The following ACSS3 variants were observed in gnomAD, a reference collection of about 807,000 sequenced individuals.
ACSS3 encodes the protein acyl-CoA synthetase short-chain family member 3, mitochondrial.
ACSS3 carries 64 observed loss-of-function variants against 84.2 expected under a neutral mutation model. The ratio of observed to expected loss-of-function variants is 0.76; its 90% CI spans 0.62 to 0.94. The LOEUF (loss-of-function observed/expected upper bound fraction) is 0.94. Among genes scored for constraint, ACSS3 ranks in the 40% least tolerant of loss-of-function variants. ACSS3 has a pLI of 0.00. For missense variants in ACSS3, 815 were observed against 867.6 expected, an observed-to-expected ratio of 0.94 and a Z score of 0.76; for synonymous variants, 317 against 310.1, an observed-to-expected ratio of 1.02 and a Z score of -0.23.
At chr12:81,151,671 A>G (rs1051441499) in intron 5 of ACSS3, 173 bp from the exon 6 acceptor site, 8 of 549,722 alleles carry the variant, frequency 1.5e-5, no homozygotes, top group African/African-American at 1.9e-5. Flanking sequence ...TGTGTTGACT[A>G]TTGAAGGACC....
At chr12:81,155,769 G>GATA (rs1304870515) in intron 7 of ACSS3, among the ~76,000 whole-genome samples, 8 of 152,090 alleles carry the variant, frequency 5.3e-5, no homozygotes, top group Non-Finnish European at 1.2e-4. Flanking sequence ...TTTGGCTTCT[G>GATA]ATATGATGTG....
At chr12:81,122,071 T>G (rs1005654223) in intron 2 of ACSS3, among the ~76,000 whole-genome samples, 1 of 151,866 alleles carries the variant, frequency 6.6e-6, no homozygotes, top group Admixed American at 6.6e-5. Flanking sequence ...TAGCTGGGAC[T>G]ACAGGTGCGT....
In ACSS3 at chr12:81,206,480, TA is replaced by T. The variant is rs556611297; in HGVS notation, c.1354+7037del. 1.1e-3 allele frequency among the ~76,000 whole-genome samples: 165 copies of T among 152,294 alleles called. 1 individual carries two copies. Among genetic ancestry groups the T allele is most frequent in the South Asian group, 2.5e-3 (12 of 4,828 alleles). On this transcript the variant is annotated intron_variant, in intron 9 of 15. Coordinates refer to ENST00000548058, the MANE Select transcript of ACSS3 (RefSeq NM_024560.4). The stretch of plus-strand genomic sequence containing the variant: ...ACAATTTAATGGTCAGAAATACATT[TA>T]TTTTTTTTCTTTCATTCATAGAAAA...
At chr12:81,234,357 A>T (rs1409517008) in intron 13 of ACSS3, among the ~76,000 whole-genome samples, 1 of 151,438 alleles carries the variant, frequency 6.6e-6, no homozygotes, top group African/African-American at 2.4e-5. Context: ...GCTGTTATAC[A>T]CATTCAAATA....
At chr12:81,100,618 G>C (rs562246977) in intron 1 of ACSS3, among the ~76,000 whole-genome samples, 1 of 152,290 alleles carries the variant, frequency 6.6e-6, no homozygotes, top group East Asian at 1.9e-4. Flanking sequence ...AGTCAGAATA[G>C]CCTAGGCTAT....
At chr12:81,114,215 T>G (rs1234150586) in intron 2 of ACSS3, among the ~76,000 whole-genome samples, 1 of 152,156 alleles carries the variant, frequency 6.6e-6, no homozygotes, top group Non-Finnish European at 1.5e-5. Context: ...ATTTTCCTGA[T>G]TTAATTCAAA....
chr12:81,253,343 G>T lies in ACSS3; in HGVS notation c.1756G>T (p.Val586Phe), dbSNP rs535655590. ...LSHGTVADCAVVGKEDPLKGH... is the reference protein window; with the variant it reads ...LSHGTVADCAFVGKEDPLKGH... ...CCATGGTACCGTGGCAGACTGTGCT[G>T]TTGTTGGCAAGGAAGATCCCTTAAA... is the stretch of plus-strand genomic sequence containing the variant. Residue 586 changes from valine to phenylalanine, a missense_variant, in exon 14 of 16, where the codon GTT becomes TTT. Physicochemically the swap from Val to Phe is conservative, Grantham distance 50. Transcript: ENST00000548058. The T allele has an allele frequency of 6.2e-7, 1 of 1,613,932 alleles. No homozygotes were observed. Among genetic ancestry groups the T allele is most frequent in the Admixed American group, 1.7e-5 (1 of 59,996 alleles).
At chr12:81,193,128 G>T (rs919140958) in intron 8 of ACSS3, among the ~76,000 whole-genome samples, 14 of 152,074 alleles carry the variant, frequency 9.2e-5, no homozygotes, top group Admixed American at 9.2e-4. Flanking sequence ...CTAATGGGGA[G>T]CAAATAGAAG....
At chr12:81,144,768 AG>A in intron 5 of ACSS3, among the ~76,000 whole-genome samples, 1 of 152,160 alleles carries the variant, frequency 6.6e-6, no homozygotes, top group Non-Finnish European at 1.5e-5. Flanking sequence ...GCAGAAGAAA[AG>A]GTTTTCAGAA....
Position 81,216,983 on chromosome 12 carries a change from C to T in ACSS3, c.1437C>T (p.Val479=). 1 of 1,609,718 alleles carries T rather than the reference C, an allele frequency of 6.2e-7. No individual in the cohort carries two copies. Among genetic ancestry groups the T allele is most frequent in the Non-Finnish European group, 8.5e-7 (1 of 1,176,814 alleles). The change falls in exon 10 of 16, where the codon GTC becomes GTT. Residue 479 remains valine, a synonymous_variant. Transcript: ENST00000548058. The stretch of plus-strand genomic sequence containing the variant: ...CACCAGGGCAAGCAGGAAAAAGCGT[C>T]CCAGGATACAATGGTAAGGAATGAC... ...TPPPGQAGKS[V]PGYNVMILDD... is the part of the protein sequence containing the mutation.
intron 1 of ACSS3, among the ~76,000 whole-genome samples, chr12:81,107,535 TATATATATATATATATATATATATAA>T (rs1883156133): frequency 9.0e-6 from 1 of 111,044 alleles, no homozygotes; most frequent in South Asian, 2.9e-4. Context: ...TATATATATA[TATATATATATATATATATATATATAA>T]ATGTTTTTGT....
intron 7 of ACSS3, among the ~76,000 whole-genome samples, chr12:81,155,050 TATACTGAAATG>T (rs1593136354): frequency 6.6e-6 from 1 of 152,178 alleles, no homozygotes; most frequent in Non-Finnish European, 1.5e-5. Flanking sequence ...CTGGCCACAC[TATACTGAAATG>T]ATACATTTAT....
At chr12:81,165,372 G>A (rs1167970212) in intron 7 of ACSS3, among the ~76,000 whole-genome samples, 8 of 152,164 alleles carry the variant, frequency 5.3e-5, no homozygotes, top group Non-Finnish European at 1.0e-4. Context: ...GAGGCCGGGC[G>A]CAGTGGCTCA....
At chr12:81,159,721 A>T (rs1011465395) in intron 7 of ACSS3, among the ~76,000 whole-genome samples, 1 of 152,222 alleles carries the variant, frequency 6.6e-6, no homozygotes, top group Non-Finnish European at 1.5e-5. Context: ...AACACAAGCA[A>T]TCTTTTCACA....
At chr12:81,123,725 G>T (rs1032720001) in intron 2 of ACSS3, among the ~76,000 whole-genome samples, 4 of 152,014 alleles carry the variant, frequency 2.6e-5, no homozygotes, top group African/African-American at 9.7e-5. Context: ...GCCATATTTG[G>T]TTTTCTGTCT....
chr12:81,199,682 T>G, intron 9 of ACSS3: 1 of 1,429,700 alleles, frequency 7.0e-7, no homozygotes, highest in Non-Finnish European at 9.3e-7. Flanking sequence ...AAAGACCTCT[T>G]TATCTTCTCT....
chr12:81,121,912 G>T (rs1884639005), intron 2 of ACSS3, among the ~76,000 whole-genome samples: 1 of 113,706 alleles, frequency 8.8e-6, no homozygotes, highest in Admixed American at 8.7e-5. Context: ...TCCAGAGTAT[G>T]CTATATTATT....
chr12:81,151,100 A>C (rs1029878106), intron 5 of ACSS3, among the ~76,000 whole-genome samples: 6 of 152,200 alleles, frequency 3.9e-5, no homozygotes, highest in African/African-American at 1.4e-4. Flanking sequence ...TTATGGTGAC[A>C]TTTATACCCA....
At chr12:81,084,911 A>C (rs1220274788) in intron 1 of ACSS3, among the ~76,000 whole-genome samples, 1 of 152,250 alleles carries the variant, frequency 6.6e-6, no homozygotes, top group Non-Finnish European at 1.5e-5. Flanking sequence ...AGCACATTAC[A>C]GAGTGAACTG....
Sources: allele counts gnomAD v4.1 joint callset (sites outside exome capture counted in the v4.1 genomes callset), GRCh38; gene constraint gnomAD v4.1.1; transcripts MANE v1.5; gene names NCBI Gene and HGNC (gene_info 2026-07-23, HGNC 2026-07-21).